KCNB2: variants seen among roughly 807,000 people sequenced by gnomAD.
The protein encoded by KCNB2 is potassium voltage-gated channel subfamily B member 2, also known as delayed rectifier potassium channel protein.
In KCNB2, 15 loss-of-function variants were observed where a neutral mutation model predicts 61.5. The ratio of observed to expected loss-of-function variants is 0.24; its 90% confidence interval spans 0.16 to 0.38. The LOEUF (loss-of-function observed/expected upper bound fraction) is 0.38, where lower values mean the gene tolerates loss of function less well. KCNB2 is among the 10% of genes least tolerant of loss of function. KCNB2 has a pLI of 1.00. For synonymous variants in KCNB2, 457 were observed against 446.0 expected, an observed-to-expected ratio of 1.02 and a Z score of -0.31; for missense variants, 828 against 1,125.2, an observed-to-expected ratio of 0.74 and a Z score of 3.78.
At chr8:72,702,792 G>A (rs1160961368) in intron 2 of KCNB2, among the ~76,000 whole-genome samples, 1 of 152,178 alleles carries the variant, frequency 6.6e-6, no homozygotes, top group Non-Finnish European at 1.5e-5. Flanking sequence ...TTGTGATGTG[G>A]AGCTGCTATT....
At chr8:72,549,823 G>T (rs146296870) in intron 1 of KCNB2, among the ~76,000 whole-genome samples, 43 of 152,240 alleles carry the variant, frequency 2.8e-4, no homozygotes, top group Non-Finnish European at 5.1e-4. Context: ...CAGTATTATA[G>T]TGCCCTCATA....
chr8:72,856,492 C>T (rs1248527862), intron 2 of KCNB2, among the ~76,000 whole-genome samples: 1 of 152,058 alleles, frequency 6.6e-6, no homozygotes, highest in Non-Finnish European at 1.5e-5. Context: ...GGGGCCTCAT[C>T]GAAAAGACCT....
At chr8:72,831,174 G>A (rs1254741245) in intron 2 of KCNB2, among the ~76,000 whole-genome samples, 1 of 152,200 alleles carries the variant, frequency 6.6e-6, no homozygotes, top group Non-Finnish European at 1.5e-5. Context: ...GCTACCCCAG[G>A]ATGGTCTTGC....
intron 2 of KCNB2, among the ~76,000 whole-genome samples, chr8:72,768,252 C>T: frequency 6.6e-6 from 1 of 152,174 alleles, no homozygotes; most frequent in Non-Finnish European, 1.5e-5. Flanking sequence ...TCTCAGCTCA[C>T]TTCAACCTCC....
At chr8:72,569,486 G>A (rs1020968641) in intron 2 of KCNB2, among the ~76,000 whole-genome samples, 1 of 151,988 alleles carries the variant, frequency 6.6e-6, no homozygotes, top group Non-Finnish European at 1.5e-5. Context: ...ACTTCTAAAG[G>A]CATTTTACTT....
At chr8:72,915,101 T>TA (rs1806368376) in intron 2 of KCNB2, among the ~76,000 whole-genome samples, 27 of 151,978 alleles carry the variant, frequency 1.8e-4, no homozygotes, top group Admixed American at 1.8e-3. Context: ...AGAGACGGCG[T>TA]TTCACCATGT....
intron 2 of KCNB2, among the ~76,000 whole-genome samples, chr8:72,829,147 A>G (rs1192380125): frequency 2.0e-5 from 3 of 152,212 alleles, no homozygotes; most frequent in Non-Finnish European, 4.4e-5. Context: ...TTGAGTCAGT[A>G]ATTTATTTTA....
In KCNB2 at chr8:72,832,663, G is replaced by C. The variant is rs1809718493; in HGVS notation, c.580-103272G>C. Among the ~76,000 whole-genome samples the C allele has an allele frequency of 2.0e-5, 3 of 152,204 alleles. No individual in the cohort carries two copies. In the South Asian group the frequency reaches 6.2e-4, roughly 32 times the overall value. On this transcript the variant is annotated intron_variant, in intron 2 of 2. Transcript: ENST00000523207. The stretch of plus-strand genomic sequence containing the variant: ...CAAGTTAGCATGCCACAGTTCCACA[G>C]ATGCTGGCAGAAGACGGAGCCCCTG...
At chr8:72,867,453 G>A (rs547938252) in intron 2 of KCNB2, among the ~76,000 whole-genome samples, 5 of 152,230 alleles carry the variant, frequency 3.3e-5, no homozygotes, top group African/African-American at 1.2e-4. Context: ...TTCAAAGCCA[G>A]CCTGGACAAC....
chr8:72,862,089 G>A (rs193014131), intron 2 of KCNB2, among the ~76,000 whole-genome samples: 181 of 152,180 alleles, frequency 1.2e-3, no homozygotes, highest in African/African-American at 3.7e-3. Flanking sequence ...TGAGAATTGC[G>A]CCACTGCACT....
At chr8:72,841,558 T>G (rs1809887955) in intron 2 of KCNB2, among the ~76,000 whole-genome samples, 1 of 152,062 alleles carries the variant, frequency 6.6e-6, no homozygotes, top group South Asian at 2.1e-4. Flanking sequence ...ATTCTTCCTA[T>G]CCATGAGCAT....
At chr8:72,540,105 G>T (rs183747422) in intron 1 of KCNB2, among the ~76,000 whole-genome samples, 1 of 152,124 alleles carries the variant, frequency 6.6e-6, no homozygotes, top group Non-Finnish European at 1.5e-5. Context: ...TGCGTATCTG[G>T]CATTCTTATA....
intron 2 of KCNB2, among the ~76,000 whole-genome samples, chr8:72,603,103 G>A (rs1044702268): frequency 1.3e-5 from 2 of 152,078 alleles, no homozygotes; most frequent in African/African-American, 4.8e-5. Context: ...CCTTCTAACT[G>A]GTATCCTTGT....
intron 2 of KCNB2, among the ~76,000 whole-genome samples, chr8:72,840,073 G>A (rs1288052368): frequency 6.6e-6 from 1 of 151,962 alleles, no homozygotes; most frequent in East Asian, 1.9e-4. Context: ...CCCCCACCCT[G>A]CAACAGGCTC....
intron 2 of KCNB2, among the ~76,000 whole-genome samples, chr8:72,867,313 C>A (rs572505244): frequency 3.5e-4 from 53 of 152,248 alleles, no homozygotes; most frequent in African/African-American, 1.3e-3. Flanking sequence ...AAAGTTGTTA[C>A]CTATATTGTA....
chr8:72,542,465 A>G (rs550195090), intron 1 of KCNB2, among the ~76,000 whole-genome samples: 50 of 152,288 alleles, frequency 3.3e-4, no homozygotes, highest in Non-Finnish European at 5.6e-4. Flanking sequence ...CCAATCCACC[A>G]AAGCCCTTTT....
intron 2 of KCNB2, among the ~76,000 whole-genome samples, chr8:72,581,701 A>G (rs1373095332): frequency 6.6e-6 from 1 of 152,232 alleles, no homozygotes; most frequent in African/African-American, 2.4e-5. Context: ...GCTGAGAACC[A>G]CAGATGTGGG....
intron 2 of KCNB2, among the ~76,000 whole-genome samples, chr8:72,868,614 A>C (rs1439837422): frequency 1.3e-5 from 2 of 151,092 alleles, no homozygotes; most frequent in East Asian, 3.9e-4. Flanking sequence ...AAAACAAACC[A>C]AAAAAAACCC....
At chr8:72,860,098 A>G (rs928843444) in intron 2 of KCNB2, among the ~76,000 whole-genome samples, 1 of 152,158 alleles carries the variant, frequency 6.6e-6, no homozygotes, top group Admixed American at 6.5e-5. Context: ...GCTGATGGGC[A>G]TTTATGTTGA....
Sources: gnomAD v4.1 joint callset for allele counts (sites outside exome capture counted in the v4.1 genomes callset) on GRCh38, gnomAD v4.1.1 for gene constraint, MANE v1.5 for transcripts, NCBI Gene and HGNC (gene_info 2026-07-23, HGNC 2026-07-21) for gene names.